The following MGAM variants were observed in gnomAD, a reference collection of about 807,000 sequenced individuals.
MGAM encodes maltase-glucoamylase.
MGAM carries 253 observed loss-of-function variants against 358.8 expected under a neutral mutation model. The observed-to-expected ratio is 0.71, with a 90% CI of 0.64 to 0.78. The LOEUF (loss-of-function observed/expected upper bound fraction) is 0.78. Among genes scored for constraint, MGAM ranks in the 30% least tolerant of loss-of-function variants. MGAM has a pLI of 0.00. For missense variants in MGAM, 3,080 were observed against 3,432.6 expected, an observed-to-expected ratio of 0.90 and a Z score of 2.57; for synonymous variants, 1,105 against 1,227.1, an observed-to-expected ratio of 0.90 and a Z score of 2.08.
At position 142,064,451 on chromosome 7, in the gene MGAM, A is replaced by T. The variant is rs377716537; in HGVS notation, c.4413A>T (p.Pro1471=). ...TLCMESQQIL[P]DGSLVQHYNV... is the part of the protein sequence containing the mutation. ...GTATGGAGAGTCAGCAGATCCTCCCAGACGGCTCCCTGGTGCAGCACTACA... is the reference window on the plus strand; with the variant it reads ...GTATGGAGAGTCAGCAGATCCTCCCTGACGGCTCCCTGGTGCAGCACTACA... Residue 1471 remains proline (P), a synonymous_variant, in exon 37 of 71, where the codon CCA becomes CCT. Coordinates refer to ENST00000475668, the MANE Select transcript of MGAM (RefSeq NM_001365693.1). The T allele has an allele frequency of 2.5e-6, 4 of 1,600,772 alleles. No homozygotes were observed. In the African/African-American group the frequency reaches 4.0e-5, roughly 16 times the overall value.
intron 2 of MGAM, among the ~76,000 whole-genome samples, chr7:141,989,636 G>T (rs1428574406): frequency 6.6e-6 from 1 of 151,496 alleles, no homozygotes; most frequent in Non-Finnish European, 1.5e-5. Flanking sequence ...GCTCCCTGCA[G>T]CCTCAAACTC....
At chr7:142,057,806 T>G (rs1811706988) in intron 30 of MGAM, among the ~76,000 whole-genome samples, 1 of 152,130 alleles carries the variant, frequency 6.6e-6, no homozygotes, top group Non-Finnish European at 1.5e-5. Context: ...AGAAACACTA[T>G]CAGGCAGATG....
At chr7:142,025,999 C>T (rs1554460829) in intron 8 of MGAM, among the ~76,000 whole-genome samples, 2 of 151,892 alleles carry the variant, frequency 1.3e-5, no homozygotes, top group African/African-American at 2.4e-5. Context: ...TGAAAGGAAC[C>T]AGAAAATAAG....
chr7:142,065,409 C>T lies in MGAM; in HGVS notation c.4559C>T (p.Ala1520Val), dbSNP rs972966549. 2 of 1,610,382 alleles carry T rather than the reference C, an allele frequency of 1.2e-6. No homozygotes were observed. The highest frequency in any genetic ancestry group is 1.3e-5 in the African/African-American group (1 of 74,832). ...RSTFPSSGRWAGHWLGDNTAA... is the reference protein window; with the variant it reads ...RSTFPSSGRWVGHWLGDNTAA... ...ACATTTCCCTCTTCTGGCCGCTGGG[C>T]AGGACATTGGCTGGGAGACAACACG... The change falls in exon 38 of 71, where the codon GCA becomes GTA. Residue 1520 changes from alanine to valine, a missense_variant. This residue lies in a region of MGAM where 134 missense variants were observed against 198.4 expected (regional missense o/e 0.68). Coordinates refer to ENST00000475668, the MANE Select transcript of MGAM (RefSeq NM_001365693.1).
rs998310306 is a variant in MGAM, at chr7:142,085,688, T to C, written c.6508-145T>C. ...GAAATTAAGTGAATTTCCCAGCACC[T>C]GTACCTAACAAATGGCAGAGCTCGG... On this transcript the variant is annotated intron_variant, in intron 54 of 70. Coordinates refer to ENST00000475668, the MANE Select transcript of MGAM (RefSeq NM_001365693.1). 6.9e-6 allele frequency: 8 copies of C among 1,161,982 alleles called. No individual in the cohort carries two copies. The African/African-American group carries it at 8.9e-5, about 13-fold the overall frequency. 72.0% of individuals were successfully genotyped at this position (1,161,982 alleles called of 1,614,324 possible).
At chr7:142,035,204 A>G (rs1807876785) in intron 16 of MGAM, among the ~76,000 whole-genome samples, 1 of 152,168 alleles carries the variant, frequency 6.6e-6, no homozygotes, top group South Asian at 2.1e-4. Flanking sequence ...CCAGCACCCT[A>G]CAGTCTTTGG....
rs774676042 is a variant in MGAM, at chr7:142,084,520, T to G, written c.6383T>G (p.Leu2128Trp). ...PELVTQQYTE[L>W]IGRPVMVPYW... is the part of the protein sequence containing the mutation. ...TAATATTTTCTGTCTATTTTCTAGTTGATTGGCCGGCCTGTGATGGTACCT... is the reference window on the plus strand; with the variant it reads ...TAATATTTTCTGTCTATTTTCTAGTGGATTGGCCGGCCTGTGATGGTACCT... Residue 2128 changes from leucine to tryptophan, a missense_variant and splice_region_variant, in exon 54 of 71, where the codon TTG (leucine) becomes TGG (tryptophan). Leu to Trp is a moderately conservative substitution (Grantham distance 61). Coordinates refer to ENST00000475668, the MANE Select transcript of MGAM (RefSeq NM_001365693.1). 6.4e-7 allele frequency: 1 copy of G among 1,555,592 alleles called. No individual in the cohort carries two copies. The highest frequency in any genetic ancestry group is 1.1e-5 in the South Asian group (1 of 89,196).
At chr7:142,057,272 G>A (rs956236248) in intron 30 of MGAM, among the ~76,000 whole-genome samples, 3 of 151,534 alleles carry the variant, frequency 2.0e-5, no homozygotes, top group Non-Finnish European at 2.9e-5. Flanking sequence ...GATAATGATG[G>A]TGGTGGTAGT....
intron 21 of MGAM, among the ~76,000 whole-genome samples, chr7:142,047,142 G>A (rs1810477214): frequency 6.6e-6 from 1 of 152,046 alleles, no homozygotes; most frequent in African/African-American, 2.4e-5. Flanking sequence ...GATAGAATGA[G>A]GAGAGACTCC....
At chr7:142,034,966 C>A in intron 16 of MGAM, 125 bp downstream of exon 16, 1 of 890,072 alleles carries the variant, frequency 1.1e-6, no homozygotes, top group Non-Finnish European at 1.7e-6. Flanking sequence ...ATCTTGAGAG[C>A]ATGTGCTTCA....
At chr7:142,074,304 T>C in intron 45 of MGAM, 131 bp downstream of exon 45, 1 of 705,452 alleles carries the variant, frequency 1.4e-6, no homozygotes, top group Non-Finnish European at 2.3e-6. Context: ...TTAAGTATTT[T>C]GTTTCTGGTT....
Position 142,065,603 on chromosome 7 carries a change from G to A in MGAM, c.4634G>A (p.Ser1545Asn). Residue 1545 changes from serine (S) to asparagine (N), a missense_variant, in exon 39 of 71, where the codon AGC becomes AAC. Physicochemically the swap from Ser to Asn is conservative, Grantham distance 46. Coordinates refer to ENST00000475668, the MANE Select transcript of MGAM (RefSeq NM_001365693.1). ...CTCGTTGCAGGCATGATGGAGTTCA[G>A]CCTCTTTGGCATATCCTATGTGAGT... ...KKSIIGMMEF[S>N]LFGISYTGAD... is the part of the protein sequence containing the mutation. The A allele has an allele frequency of 6.2e-6, 10 of 1,613,876 alleles. No individual in the cohort carries two copies. Among genetic ancestry groups the A allele is most frequent in the Non-Finnish European group, 8.5e-6 (10 of 1,179,852 alleles).
rs1009748636 is a variant in MGAM, at chr7:141,995,945, C to T, written c.-3+15C>T. 3.3e-5 allele frequency: 5 copies of T among 152,146 alleles called. 1 individual carries two copies. The highest frequency in any genetic ancestry group is 3.3e-4 in the Admixed American group (5 of 15,272). 9.4% of individuals were successfully genotyped at this position (152,146 alleles called of 1,614,324 possible). On this transcript the variant is annotated intron_variant, in intron 1 of 70. Coordinates refer to ENST00000475668, the MANE Select transcript of MGAM (RefSeq NM_001365693.1). ...GAGGTAATGAGGTATGTTTGTGAAC[C>T]TTGTATTCTTTTACGGTTACAGATG...
chr7:142,094,857 G>T lies in MGAM; in HGVS notation c.7452G>T (p.Gly2484=), dbSNP rs1815751212. The change falls in exon 63 of 71, where the codon GGG becomes GGT. Residue 2484 remains glycine, a synonymous_variant. Coordinates refer to ENST00000475668, the MANE Select transcript of MGAM (RefSeq NM_001365693.1). ...YPFSRNHNTI[G]TRRQDPVSWD... is the part of the protein sequence containing the mutation. ...TCTCAAGAAACCACAACACCATTGG[G>T]ACCAGGGTAGGACAGTGGCCCCTAC... is the stretch of plus-strand genomic sequence containing the variant. The T allele has an allele frequency of 1.2e-6, 2 of 1,613,924 alleles. No homozygotes were observed. The highest frequency in any genetic ancestry group is 1.7e-6 in the Non-Finnish European group (2 of 1,179,862).
chr7:142,043,424 T>C (rs1446251025), intron 21 of MGAM, among the ~76,000 whole-genome samples: 1 of 19,246 alleles, frequency 5.2e-5, no homozygotes, highest in African/African-American at 1.2e-4. Context: ...ATAATATCTA[T>C]ATTATATATA....
chr7:142,091,312 C>T (rs1243767062), intron 57 of MGAM, among the ~76,000 whole-genome samples: 2 of 144,688 alleles, frequency 1.4e-5, no homozygotes, highest in African/African-American at 4.9e-5. Flanking sequence ...AAAAACACAC[C>T]TGTTATTATC....
rs1585048185 is a variant in MGAM at position 142,067,232 on chromosome 7, C to A, written c.4920-109C>A. 6.1e-5 allele frequency: 61 copies of A among 1,006,136 alleles called. 4 individuals carry two copies. In the East Asian group the frequency reaches 1.6e-3, roughly 26 times the overall value. 62.3% of individuals were successfully genotyped at this position (1,006,136 alleles called of 1,614,324 possible). ...AGGCCTAGGAACAAAGCAAGGATGG[C>A]TCAGGGGCAGCTGTATTTCCGACTT... On this transcript the variant is annotated intron_variant, in intron 41 of 70. Coordinates refer to ENST00000475668, the MANE Select transcript of MGAM (RefSeq NM_001365693.1).
rs761306973 is a variant in MGAM, at chr7:142,059,600, G to T, written c.3948G>T (p.Leu1316=). The change falls in exon 32 of 71, where the codon CTG becomes CTT. Residue 1316 remains leucine, a splice_region_variant and synonymous_variant. Transcript: ENST00000475668. The part of the protein sequence containing the change: ...KADGMRVILI[L]DPAISGNETQ... Reference sequence around the variant, plus strand: ...ATGGGATGCGGGTCATCCTCATTCTGGTTAGTCCTGATGTGAATGTGTGCG... The same window carrying T: ...ATGGGATGCGGGTCATCCTCATTCTTGTTAGTCCTGATGTGAATGTGTGCG... 8 of 1,612,224 alleles carry T rather than the reference G, an allele frequency of 5.0e-6. No individual in the cohort carries two copies. The highest frequency in any genetic ancestry group is 1.3e-5 in the African/African-American group (1 of 74,908).
chr7:142,062,889 C>T (rs192077857), intron 35 of MGAM, among the ~76,000 whole-genome samples, 187 bp downstream of exon 35: 18 of 152,268 alleles, frequency 1.2e-4, no homozygotes, highest in East Asian at 1.9e-4. Flanking sequence ...CCAGACCTGA[C>T]GCTCCTACTG....
Sources: gnomAD v4.1 joint callset for allele counts (sites outside exome capture counted in the v4.1 genomes callset) on GRCh38, gnomAD v4.1.1 for gene constraint, gnomAD v4.1.1 regional missense constraint, MANE v1.5 for transcripts, NCBI Gene and HGNC (gene_info 2026-07-23, HGNC 2026-07-21) for gene names.